PCDHGB5: variants seen among roughly 807,000 people sequenced by gnomAD.
PCDHGB5 encodes protocadherin gamma-B5.
In PCDHGB5, 48 loss-of-function variants were observed where a neutral mutation model predicts 62.9. That is an observed-to-expected ratio of 0.76 (90% CI 0.61 to 0.97). The LOEUF is 0.97. Ranked by LOEUF, PCDHGB5 falls within the 50% of genes least tolerant of loss-of-function variation. PCDHGB5 has a pLI of 0.00. For synonymous variants in PCDHGB5, 474 were observed against 511.2 expected, an observed-to-expected ratio of 0.93 and a Z score of 0.98; for missense variants, 1,118 against 1,198.6, an observed-to-expected ratio of 0.93 and a Z score of 0.99.
intron 1 of PCDHGB5, chr5:141,404,091 G>A (rs1404367820): frequency 6.2e-7 from 1 of 1,613,422 alleles, no homozygotes; most frequent in Non-Finnish European, 8.5e-7. Flanking sequence ...GGGAAGAATG[G>A]TCAAGTTGTC....
chr5:141,409,416 T>G (rs770750853), intron 1 of PCDHGB5: 1 of 1,613,964 alleles, frequency 6.2e-7, no homozygotes, highest in South Asian at 1.1e-5. Flanking sequence ...TACAAACTGG[T>G]GACAGATGGA....
chr5:141,487,622 C>T lies in PCDHGB5; in HGVS notation c.2398-7185C>T. Reference sequence around the variant, plus strand: ...TCTTCTCTATGGGCTAGAGGTGAGACCTTTGCAGGCTCAACAAATGCTTGA... The same window carrying T: ...TCTTCTCTATGGGCTAGAGGTGAGATCTTTGCAGGCTCAACAAATGCTTGA... On this transcript the variant is annotated intron_variant, in intron 1 of 3. Coordinates refer to ENST00000617380, the MANE Select transcript of PCDHGB5 (RefSeq NM_018925.3). This position sits in a 1 kb window ranked among gnomAD's most constrained non-coding sequence, Gnocchi z 5.0. 1.2e-6 allele frequency: 2 copies of T among 1,614,174 alleles called. No homozygotes were observed. Among genetic ancestry groups the T allele is most frequent in the South Asian group, 1.1e-5 (1 of 91,084 alleles).
intron 1 of PCDHGB5, chr5:141,417,619 C>A: frequency 1.5e-6 from 1 of 656,120 alleles, no homozygotes; most frequent in South Asian, 2.4e-5. Flanking sequence ...CAGTGCAGAG[C>A]AAGCGCTGAC....
Position 141,398,963 on chromosome 5 carries a change from ATTCCT to A in PCDHGB5, c.838_842del (p.Ser280LeufsTer8). On this transcript the variant is annotated frameshift_variant, in exon 1 of 4. Transcript: ENST00000617380. LOFTEE classifies it high-confidence loss of function. ...GAGGGCATCAACTCAGAAATTACTT[ATTCCT>A]TCTACAGAACCGGGCAAATCTTTAG... 1 of 1,613,976 alleles carries A rather than the reference ATTCCT, an allele frequency of 6.2e-7. No homozygotes were observed. Among genetic ancestry groups the A allele is most frequent in the Non-Finnish European group, 8.5e-7 (1 of 1,179,900 alleles).
At position 141,485,135 on chromosome 5, in the gene PCDHGB5, G is replaced by A; in HGVS notation, c.2398-9672G>A. 6.7e-7 allele frequency: 1 copy of A among 1,500,498 alleles called. No individual in the cohort carries two copies. Among genetic ancestry groups the A allele is most frequent in the East Asian group, 2.3e-5 (1 of 44,254 alleles). 92.9% of individuals were successfully genotyped at this position (1,500,498 alleles called of 1,614,324 possible). A position where few individuals can be genotyped will look rare whatever the true frequency, so the allele number is the denominator to read the frequency against. On this transcript the variant is annotated intron_variant, in intron 1 of 3. Coordinates refer to ENST00000617380, the MANE Select transcript of PCDHGB5 (RefSeq NM_018925.3). The surrounding 1 kb of genome is among the most constrained non-coding windows in gnomAD (Gnocchi z 5.7). ...TGTTTGGGGCGGGTCGGCTTCATCCGCGTCTCAGGAGCAAGTAGAGAATTA... is the reference window on the plus strand; with the variant it reads ...TGTTTGGGGCGGGTCGGCTTCATCCACGTCTCAGGAGCAAGTAGAGAATTA...
Position 141,487,165 on chromosome 5 carries a change from C to T in PCDHGB5, c.2398-7642C>T, listed in dbSNP as rs1014219030. The T allele has an allele frequency of 1.9e-6, 3 of 1,612,932 alleles. No homozygotes were observed. The highest frequency in any genetic ancestry group is 2.5e-6 in the Non-Finnish European group (3 of 1,178,918). On this transcript the variant is annotated intron_variant, in intron 1 of 3. Coordinates refer to ENST00000617380, the MANE Select transcript of PCDHGB5 (RefSeq NM_018925.3). The surrounding 1 kb of genome is among the most constrained non-coding windows in gnomAD (Gnocchi z 5.0). ...CTACCTCTGTTACTCTCTTAGTGTC[C>T]TTAGAGGAAGACACTCATCCAGTTG...
At position 141,490,357 on chromosome 5, in the gene PCDHGB5, A is replaced by G; in HGVS notation, c.2398-4450A>G. ...AGTGGGCACAGTAGTGGGGTTGTTT[A>G]ATGTGCGAGACCGGGACTCAGGTAG... On this transcript the variant is annotated intron_variant, in intron 1 of 3. Transcript: ENST00000617380. This position sits in a 1 kb window ranked among gnomAD's most constrained non-coding sequence, Gnocchi z 5.4. The G allele has an allele frequency of 6.2e-7, 1 of 1,614,178 alleles. No individual in the cohort carries two copies. The highest frequency in any genetic ancestry group is 8.5e-7 in the Non-Finnish European group (1 of 1,180,030).
intron 1 of PCDHGB5, chr5:141,430,711 C>T (rs2097304226): frequency 1.3e-6 from 2 of 1,483,856 alleles, no homozygotes; most frequent in African/African-American, 2.8e-5. Context: ...CTGCTCCTGA[C>T]TTCAGTGGTT....
rs112156044 is a variant in PCDHGB5, at chr5:141,476,771, G to T, written c.2398-18036G>T. ...CCAGTTAGTGCTGACGGCGTTGGAC[G>T]GAGGGACCCCAGCTCTCTCCGCCAG... On this transcript the variant is annotated intron_variant, in intron 1 of 3. Coordinates refer to ENST00000617380, the MANE Select transcript of PCDHGB5 (RefSeq NM_018925.3). The surrounding 1 kb of genome is among the most constrained non-coding windows in gnomAD (Gnocchi z 7.6). The T allele has an allele frequency of 6.2e-7, 1 of 1,613,700 alleles. No homozygotes were observed. The highest frequency in any genetic ancestry group is 1.1e-5 in the South Asian group (1 of 91,084).
Position 141,400,048 on chromosome 5 carries a change from G to A in PCDHGB5, c.1921G>A (p.Ala641Thr), listed in dbSNP as rs760963865. The A allele has an allele frequency of 1.9e-6, 3 of 1,613,664 alleles. No individual in the cohort carries two copies. The highest frequency in any genetic ancestry group is 2.5e-6 in the Non-Finnish European group (3 of 1,179,834). Residue 641 changes from alanine to threonine, a missense_variant, in exon 1 of 4, where the codon GCT becomes ACT. Around this residue, in one of 2 missense-constraint regions of PCDHGB5, gnomAD observed 1,034 missense variants for 1,029.1 expected, o/e 1.00. Coordinates refer to ENST00000617380, the MANE Select transcript of PCDHGB5 (RefSeq NM_018925.3). ...CGCGGCCCGCCAGCGCCTGCTGGTT[G>A]CTGTGCGTGATGGTGGACAGCCGCC... ...RDAARQRLLV[A>T]VRDGGQPPLS...
intron 1 of PCDHGB5, among the ~76,000 whole-genome samples, chr5:141,449,607 A>G (rs1279835785): frequency 1.3e-5 from 2 of 149,984 alleles, no homozygotes; most frequent in African/African-American, 4.9e-5. Flanking sequence ...AAAAAAAAAA[A>G]GTAAAAAAGT....
chr5:141,451,532 G>T (rs1168984212), intron 1 of PCDHGB5, among the ~76,000 whole-genome samples: 1 of 152,180 alleles, frequency 6.6e-6, no homozygotes, highest in African/African-American at 2.4e-5. Flanking sequence ...AAAGGAGAGT[G>T]CCAGAGAGGG....
At chr5:141,453,029 A>G (rs1014709934) in intron 1 of PCDHGB5, among the ~76,000 whole-genome samples, 1 of 152,206 alleles carries the variant, frequency 6.6e-6, no homozygotes, top group Non-Finnish European at 1.5e-5. Context: ...TCATTAAAAT[A>G]AAGTTTGTTT....
chr5:141,491,071 C>A lies in PCDHGB5; in HGVS notation c.2398-3736C>A, dbSNP rs987564933. ...TGCGTGGCTCTCCTACTCACTGTTG[C>A]CACAGTCCACAGCCCCAGGACTGTT... On this transcript the variant is annotated intron_variant, in intron 1 of 3. Transcript: ENST00000617380. This position sits in a 1 kb window ranked among gnomAD's most constrained non-coding sequence, Gnocchi z 6.9. 2 of 1,614,034 alleles carry A rather than the reference C, an allele frequency of 1.2e-6. No individual in the cohort carries two copies. The highest frequency in any genetic ancestry group is 1.7e-6 in the Non-Finnish European group (2 of 1,180,036).
At position 141,421,815 on chromosome 5, in the gene PCDHGB5, A is replaced by C. The variant is rs746563152; in HGVS notation, c.2397+21291A>C. ...ATGGGGCCAAGAATCCAGAGCTAGTACTGGAGGGAAGCCTGGACCGAGAGA... is the reference window on the plus strand; with the variant it reads ...ATGGGGCCAAGAATCCAGAGCTAGTCCTGGAGGGAAGCCTGGACCGAGAGA... On this transcript the variant is annotated intron_variant, in intron 1 of 3. Coordinates refer to ENST00000617380, the MANE Select transcript of PCDHGB5 (RefSeq NM_018925.3). 4 of 1,613,764 alleles carry C rather than the reference A, an allele frequency of 2.5e-6. No individual in the cohort carries two copies. The South Asian group carries it at 3.3e-5, about 13-fold the overall frequency.
chr5:141,422,563 G>A, intron 1 of PCDHGB5: 3 of 1,613,986 alleles, frequency 1.9e-6, no homozygotes, highest in African/African-American at 1.3e-5. Flanking sequence ...TGTGGCAGAT[G>A]ACAACGATAA....
At chr5:141,473,330 C>T (rs1431360397) in intron 1 of PCDHGB5, among the ~76,000 whole-genome samples, 2 of 152,208 alleles carry the variant, frequency 1.3e-5, no homozygotes, top group East Asian at 3.8e-4. Flanking sequence ...TAAGTGCCTG[C>T]TGTGCTAGAC....
Position 141,486,177 on chromosome 5 carries a change from G to A in PCDHGB5, c.2398-8630G>A. The A allele has an allele frequency of 6.2e-7, 1 of 1,614,222 alleles. No individual in the cohort carries two copies. Among genetic ancestry groups the A allele is most frequent in the Non-Finnish European group, 8.5e-7 (1 of 1,180,042 alleles). ...TCTCCAGCCATGGAGCAACATTGCA[G>A]CCTTCGAGTGGATCTGCTGGACGTA... On this transcript the variant is annotated intron_variant, in intron 1 of 3. Coordinates refer to ENST00000617380, the MANE Select transcript of PCDHGB5 (RefSeq NM_018925.3). The surrounding 1 kb of genome is among the most constrained non-coding windows in gnomAD (Gnocchi z 5.0).
At chr5:141,407,497 G>GTTTTTTTTTTTTTTTT (rs1554102286) in intron 1 of PCDHGB5, among the ~76,000 whole-genome samples, 1 of 151,966 alleles carries the variant, frequency 6.6e-6, no homozygotes, top group Non-Finnish European at 1.5e-5. Flanking sequence ...CTTTATTTCT[G>GTTTTTTTTTTTTTTTT]TTTTTCTTAG....
Sources: allele counts gnomAD v4.1 joint callset (sites outside exome capture counted in the v4.1 genomes callset), GRCh38; gene constraint gnomAD v4.1.1; regional missense constraint gnomAD v4.1.1; non-coding constraint Gnocchi (gnomAD v3.1); transcripts MANE v1.5; gene names NCBI Gene and HGNC (gene_info 2026-07-23, HGNC 2026-07-21).